GRAMD1C: variants seen among roughly 807,000 people sequenced by gnomAD.
The protein encoded by GRAMD1C is GRAM domain containing 1C, also known as protein Aster-C.
In GRAMD1C, 89 loss-of-function variants were observed where a neutral mutation model predicts 97.8. The observed-to-expected ratio is 0.91, with a 90% CI of 0.77 to 1.09. The LOEUF (loss-of-function observed/expected upper bound fraction) is 1.09. Ranked by LOEUF, GRAMD1C falls within the 50% of genes least tolerant of loss-of-function variation. The probability of loss-of-function intolerance (pLI) is 0.00; values close to 1 mark genes in which losing one functional copy is unlikely to be tolerated. For synonymous variants in GRAMD1C, 256 were observed against 267.0 expected, an observed-to-expected ratio of 0.96 and a Z score of 0.40; for missense variants, 740 against 766.4, an observed-to-expected ratio of 0.97 and a Z score of 0.41.
At chr3:113,870,088 G>T (rs1934735945) in intron 3 of GRAMD1C, among the ~76,000 whole-genome samples, 1 of 152,116 alleles carries the variant, frequency 6.6e-6, no homozygotes, top group South Asian at 2.1e-4. Context: ...GATGCCAGGT[G>T]TGGTGACTCA....
upstream of GRAMD1C, chr3:113,838,599 G>T (rs377040593): frequency 6.6e-6 from 2 of 303,318 alleles, no homozygotes; most frequent in Non-Finnish European, 1.2e-5. Context: ...AAAAGTTTCC[G>T]AGCAATTCAC....
At chr3:113,882,703 GC>G in intron 5 of GRAMD1C, 48 bp from the exon 6 acceptor site, 1 of 1,066,952 alleles carries the variant, frequency 9.4e-7, no homozygotes, top group African/African-American at 1.6e-5. Flanking sequence ...CAGATAATCT[GC>G]TTTTATTTTC....
In GRAMD1C at chr3:113,909,053, A is replaced by C; in HGVS notation, c.885A>C (p.Ser295=). The C allele has an allele frequency of 1.3e-6, 2 of 1,567,134 alleles. No individual in the cohort carries two copies. Among genetic ancestry groups the C allele is most frequent in the Non-Finnish European group, 1.7e-6 (2 of 1,154,966 alleles). Residue 295 remains serine (S), a synonymous_variant, in exon 9 of 18, where the codon TCA becomes TCC. Coordinates refer to ENST00000358160, the MANE Select transcript of GRAMD1C (RefSeq NM_017577.5). ...AGTTAACTAGAGTGCCATCAAAGTC[A>C]CTGGACTTGAATAAAAATGAATATC... ...EKKLTRVPSK[S]LDLNKNEYLS...
intron 12 of GRAMD1C, among the ~76,000 whole-genome samples, 165 bp downstream of exon 12, chr3:113,933,818 C>T (rs933640266): frequency 2.6e-5 from 4 of 152,184 alleles, no homozygotes; most frequent in African/African-American, 9.7e-5. Context: ...CTAAGGCCCC[C>T]GCTTGATGAA....
intron 2 of GRAMD1C, among the ~76,000 whole-genome samples, chr3:113,858,393 C>CGT (rs200917151): frequency 0.42 from 31,729 of 75,966 alleles, 5,459 homozygotes; most frequent in Admixed American, 0.51. Flanking sequence ...ATCCCAGCTA[C>CGT]ATTTTTTTTT....
intron 9 of GRAMD1C, chr3:113,913,120 G>T (rs1387261445): frequency 6.2e-6 from 8 of 1,284,992 alleles, no homozygotes; most frequent in Non-Finnish European, 8.1e-6. Flanking sequence ...CTGAATTTAG[G>T]ACTTTAGGAA....
chr3:113,876,217 G>A lies in GRAMD1C; in HGVS notation c.416G>A (p.Arg139Gln), dbSNP rs753345963. 7.5e-6 allele frequency: 12 copies of A among 1,602,136 alleles called. No homozygotes were observed. In the East Asian group the frequency reaches 8.9e-5, roughly 12 times the overall value. The part of the protein sequence containing the change: ...ITFMTKEKTA[R>Q]LIPNAIQIVT... ...TTCATGACCAAGGAAAAAACTGCTC[G>A]ACTCATCCCAAACGCTATCCAGATA... Residue 139 changes from arginine (R) to glutamine (Q), a missense_variant, in exon 5 of 18, where the codon CGA becomes CAA. Coordinates refer to ENST00000358160, the MANE Select transcript of GRAMD1C (RefSeq NM_017577.5).
chr3:113,887,194 G>A (rs1265568860), intron 6 of GRAMD1C, among the ~76,000 whole-genome samples: 3 of 148,452 alleles, frequency 2.0e-5, no homozygotes, highest in East Asian at 2.0e-4. Flanking sequence ...AGGTGCAAGC[G>A]ATTCTCCTGC....
chr3:113,893,517 T>A (rs989908824), intron 6 of GRAMD1C, among the ~76,000 whole-genome samples: 1 of 152,228 alleles, frequency 6.6e-6, no homozygotes, highest in Non-Finnish European at 1.5e-5. Flanking sequence ...TGTATTTCTA[T>A]AATATGCATT....
At chr3:113,891,400 T>A (rs1381909879) in intron 6 of GRAMD1C, among the ~76,000 whole-genome samples, 2 of 152,162 alleles carry the variant, frequency 1.3e-5, no homozygotes, top group East Asian at 3.8e-4. Flanking sequence ...TGGTATTATC[T>A]ATAATTTTGT....
chr3:113,932,886 C>CT (rs11370149), intron 11 of GRAMD1C, among the ~76,000 whole-genome samples: 131,693 of 142,070 alleles, frequency 0.93, 61,058 homozygotes, highest in Middle Eastern at 0.99. Context: ...TTTCTTCTTT[C>CT]TTTTTTTTTT....
At chr3:113,877,130 C>T (rs778084856) in intron 5 of GRAMD1C, among the ~76,000 whole-genome samples, 1 of 152,158 alleles carries the variant, frequency 6.6e-6, no homozygotes, top group Non-Finnish European at 1.5e-5. Context: ...TTCTGGTGTG[C>T]ACCACTGAGC....
chr3:113,885,223 C>T (rs1935422811), intron 6 of GRAMD1C: 1 of 857,596 alleles, frequency 1.2e-6, no homozygotes. Flanking sequence ...CTCCCTTCGG[C>T]GGGGGTTGCC....
intron 9 of GRAMD1C, among the ~76,000 whole-genome samples, chr3:113,914,731 C>A (rs1052777436): frequency 6.6e-6 from 1 of 150,934 alleles, no homozygotes; most frequent in African/African-American, 2.4e-5. Context: ...TTCCTTCTGG[C>A]GGTATAAAAT....
chr3:113,929,488 G>A (rs1450786406), intron 10 of GRAMD1C, among the ~76,000 whole-genome samples: 3 of 152,162 alleles, frequency 2.0e-5, no homozygotes, highest in South Asian at 2.1e-4. Flanking sequence ...GCTTCATTGA[G>A]TAGTGTGCAG....
chr3:113,840,150 T>C (rs1336761509), intron 1 of GRAMD1C, among the ~76,000 whole-genome samples: 1 of 152,136 alleles, frequency 6.6e-6, no homozygotes, highest in Non-Finnish European at 1.5e-5. Flanking sequence ...GTGTTTTTAG[T>C]AGAGACGGGG....
At chr3:113,943,742 C>A (rs755053694) in intron 17 of GRAMD1C, among the ~76,000 whole-genome samples, 1 of 152,030 alleles carries the variant, frequency 6.6e-6, no homozygotes, top group African/African-American at 2.4e-5. Context: ...GGCGAAACCC[C>A]GTCTCTACTA....
intron 1 of GRAMD1C, among the ~76,000 whole-genome samples, chr3:113,829,595 G>C (rs1709532166): frequency 6.6e-6 from 1 of 152,128 alleles, no homozygotes; most frequent in South Asian, 2.1e-4. Context: ...AAATAAGAAA[G>C]TTGCAAGAAT....
At chr3:113,879,225 C>T (rs997141166) in intron 5 of GRAMD1C, among the ~76,000 whole-genome samples, 6 of 150,760 alleles carry the variant, frequency 4.0e-5, no homozygotes, top group African/African-American at 1.5e-4. Flanking sequence ...AACCAAAAAA[C>T]AAACAAACCG....
Sources: gnomAD v4.1 joint callset for allele counts (sites outside exome capture counted in the v4.1 genomes callset) on GRCh38, gnomAD v4.1.1 for gene constraint, MANE v1.5 for transcripts, NCBI Gene and HGNC (gene_info 2026-07-23, HGNC 2026-07-21) for gene names.